DPP10: variants seen among roughly 807,000 people sequenced by gnomAD.
DPP10 encodes the protein inactive dipeptidyl peptidase 10.
In DPP10, 33 loss-of-function variants were observed where a neutral mutation model predicts 120.9. The observed-to-expected ratio is 0.27, with a 90% CI of 0.21 to 0.37. The LOEUF (loss-of-function observed/expected upper bound fraction) is 0.37, where lower values mean the gene tolerates loss of function less well. Among genes scored for constraint, DPP10 ranks in the 10% least tolerant of loss-of-function variants. The pLI is 1.00. For missense variants in DPP10, 816 were observed against 942.8 expected (o/e 0.87, Z 1.76); for synonymous variants, 337 against 326.1 (o/e 1.03, Z -0.36).
chr2:115,445,683 A>G (rs1208631047), intron 3 of DPP10, among the ~76,000 whole-genome samples: 1 of 152,346 alleles, frequency 6.6e-6, no homozygotes, highest in East Asian at 1.9e-4. Flanking sequence ...GTGACAGAGC[A>G]TAAAAGTTTA....
intron 1 of DPP10, among the ~76,000 whole-genome samples, chr2:114,596,088 C>A (rs1456896135): frequency 6.6e-6 from 1 of 152,054 alleles, no homozygotes; most frequent in Non-Finnish European, 1.5e-5. Flanking sequence ...TGCCTAATTT[C>A]ACCTGAATTT....
At chr2:115,289,494 A>AGG (rs1416948007) in intron 1 of DPP10, among the ~76,000 whole-genome samples, 1 of 97,914 alleles carries the variant, frequency 1.0e-5, no homozygotes, top group Non-Finnish European at 2.0e-5. Context: ...CCAAAAAAAA[A>AGG]AAAAAAAAAA....
Position 115,718,959 on chromosome 2 carries a change from G to A in DPP10, c.577-8857G>A, listed in dbSNP as rs577414044. On this transcript the variant is annotated intron_variant, in intron 7 of 25. Transcript: ENST00000410059. ...ACACATAAGGGATTTTTAAATAACA[G>A]TTATAATATTGATAACTGTTTGTCT... Among the ~76,000 whole-genome samples, 9 of 152,134 alleles carry A rather than the reference G, an allele frequency of 5.9e-5. No individual in the cohort carries two copies. The South Asian group carries it at 1.9e-3, about 32-fold the overall frequency.
intron 3 of DPP10, among the ~76,000 whole-genome samples, chr2:115,437,928 C>G (rs991661591): frequency 6.6e-6 from 1 of 151,850 alleles, no homozygotes; most frequent in Non-Finnish European, 1.5e-5. Flanking sequence ...ATTTTATGTG[C>G]CACATATTGC....
Position 115,840,836 on chromosome 2 carries a change from C to T in DPP10, c.2256+13C>T. ...TTATACTATGCAGGTAAGCTACTTTCTTAGAAGAACGTGTTTTCCTGCTGT... is the reference window on the plus strand; with the variant it reads ...TTATACTATGCAGGTAAGCTACTTTTTTAGAAGAACGTGTTTTCCTGCTGT... On this transcript the variant is annotated intron_variant, in intron 25 of 25. Transcript: ENST00000410059. The T allele has an allele frequency of 6.2e-7, 1 of 1,605,292 alleles. No individual in the cohort carries two copies. Among genetic ancestry groups the T allele is most frequent in the Non-Finnish European group, 8.5e-7 (1 of 1,174,942 alleles).
At chr2:115,499,422 T>A in intron 3 of DPP10, 88 bp from the exon 4 acceptor site, 2 of 997,344 alleles carry the variant, frequency 2.0e-6, no homozygotes, top group Non-Finnish European at 3.0e-6. Flanking sequence ...TTCTAATGTG[T>A]CTGTTTATTT....
intron 1 of DPP10, among the ~76,000 whole-genome samples, chr2:115,205,936 A>G (rs1285797062): frequency 6.6e-6 from 1 of 152,136 alleles, no homozygotes; most frequent in African/African-American, 2.4e-5. Flanking sequence ...TGTGCTCACT[A>G]CCTGGGTGAT....
chr2:114,521,606 T>G (rs1685056914), intron 1 of DPP10, among the ~76,000 whole-genome samples: 1 of 152,036 alleles, frequency 6.6e-6, no homozygotes, highest in Non-Finnish European at 1.5e-5. Context: ...TCTCCTGAAA[T>G]CAACTAAAAC....
chr2:115,527,577 G>T (rs2078208549), intron 5 of DPP10, among the ~76,000 whole-genome samples: 1 of 152,042 alleles, frequency 6.6e-6, no homozygotes, highest in African/African-American at 2.4e-5. Flanking sequence ...TTACAGTCTA[G>T]AAGAAAATAT....
intron 1 of DPP10, among the ~76,000 whole-genome samples, chr2:114,480,846 T>G (rs1431288446): frequency 6.6e-6 from 1 of 150,690 alleles, no homozygotes; most frequent in Non-Finnish European, 1.5e-5. Context: ...ACCCTAGAAC[T>G]TAAAGTATAA....
At chr2:115,369,493 T>C (rs2065271582) in intron 3 of DPP10, among the ~76,000 whole-genome samples, 1 of 152,112 alleles carries the variant, frequency 6.6e-6, no homozygotes, top group African/African-American at 2.4e-5. Flanking sequence ...GCCACACCTA[T>C]ATTCAGTGTT....
rs78761826 is a variant in DPP10 at position 114,972,797 on chromosome 2, G to A, written c.61-336442G>A. On this transcript the variant is annotated intron_variant, in intron 1 of 25. Transcript: ENST00000410059. Reference sequence around the variant, plus strand: ...CATGTCAATAGTTAATAGTGACTGCGACTGGGGAAATATAATGTGCTGGTT... The same window carrying A: ...CATGTCAATAGTTAATAGTGACTGCAACTGGGGAAATATAATGTGCTGGTT... Among the ~76,000 whole-genome samples, 250 of 152,292 alleles carry A rather than the reference G, an allele frequency of 1.6e-3. 3 individuals carry two copies. The highest frequency in any genetic ancestry group is 5.4e-3 in the African/African-American group (225 of 41,562).
At chr2:114,906,992 A>G (rs1359599119) in intron 1 of DPP10, among the ~76,000 whole-genome samples, 3 of 152,134 alleles carry the variant, frequency 2.0e-5, no homozygotes, top group African/African-American at 7.2e-5. Context: ...AAGATTTTTA[A>G]TGTATTCCCT....
intron 1 of DPP10, among the ~76,000 whole-genome samples, chr2:114,694,226 T>C (rs781745189): frequency 4.2e-4 from 64 of 152,018 alleles, no homozygotes; most frequent in Admixed American, 9.2e-4. Context: ...TTAAGAGAAT[T>C]AATTAATATA....
At chr2:115,029,710 T>C (rs1286587016) in intron 1 of DPP10, among the ~76,000 whole-genome samples, 2 of 152,162 alleles carry the variant, frequency 1.3e-5, no homozygotes, top group Non-Finnish European at 2.9e-5. Flanking sequence ...ATTCTGGATA[T>C]TTTAGTATTA....
intron 1 of DPP10, among the ~76,000 whole-genome samples, chr2:115,283,598 C>T (rs2060246860): frequency 6.6e-6 from 1 of 151,948 alleles, no homozygotes; most frequent in African/African-American, 2.4e-5. Flanking sequence ...GGATTTTACT[C>T]TTAGTTCAGT....
chr2:114,519,572 A>T (rs908005231), intron 1 of DPP10, among the ~76,000 whole-genome samples: 6 of 152,196 alleles, frequency 3.9e-5, no homozygotes, highest in Admixed American at 1.3e-4. Context: ...TTTTCAGTTG[A>T]CAGTTTCTGC....
At chr2:115,573,434 C>T (rs1036678976) in intron 5 of DPP10, among the ~76,000 whole-genome samples, 15 of 151,546 alleles carry the variant, frequency 9.9e-5, no homozygotes, top group Admixed American at 3.3e-4. Context: ...AGGCGCCCGC[C>T]ACCACGCCCG....
intron 3 of DPP10, among the ~76,000 whole-genome samples, chr2:115,374,738 C>T (rs1195824580): frequency 1.3e-5 from 2 of 152,232 alleles, no homozygotes; most frequent in East Asian, 3.9e-4. Flanking sequence ...GGCCCAACAC[C>T]ATGTGGAAGC....
Sources: gnomAD v4.1 joint callset for allele counts (sites outside exome capture counted in the v4.1 genomes callset) on GRCh38, gnomAD v4.1.1 for gene constraint, MANE v1.5 for transcripts, NCBI Gene and HGNC (gene_info 2026-07-23, HGNC 2026-07-21) for gene names.